TRAPPC11: variants seen among roughly 807,000 people sequenced by gnomAD.
The protein encoded by TRAPPC11 is foie gras homolog.
Under a neutral mutation model 151.2 loss-of-function variants are expected in TRAPPC11, and 104 were observed. The ratio of observed to expected loss-of-function variants is 0.69; its 90% CI spans 0.59 to 0.81. The LOEUF (loss-of-function observed/expected upper bound fraction) is 0.81, where lower values mean the gene tolerates loss of function less well. TRAPPC11 is among the 30% of genes least tolerant of loss of function. The pLI is 0.00. For synonymous variants in TRAPPC11, 456 were observed against 472.3 expected, an observed-to-expected ratio of 0.97 and a Z score of 0.45; for missense variants, 1,230 against 1,349.6, an observed-to-expected ratio of 0.91 and a Z score of 1.39.
Position 183,668,129 on chromosome 4 carries a change from T to C in TRAPPC11, c.560+12T>C, listed in dbSNP as rs1734973760. 2.0e-6 allele frequency: 3 copies of C among 1,479,904 alleles called. No individual in the cohort carries two copies. The highest frequency in any genetic ancestry group is 2.3e-5 in the East Asian group (1 of 43,878). 91.7% of individuals were successfully genotyped at this position (1,479,904 alleles called of 1,614,324 possible). A position where few individuals can be genotyped will look rare whatever the true frequency, so the allele number is the denominator to read the frequency against. ...GGTTATATTATAAGGTAAGTAGAGG[T>C]CTTTTAAAGTTTTGTTTTTTTAGAT... On this transcript the variant is annotated intron_variant, in intron 5 of 29. Coordinates refer to ENST00000334690, the MANE Select transcript of TRAPPC11 (RefSeq NM_021942.6).
At chr4:183,703,005 G>C (rs1736877122) in intron 26 of TRAPPC11, among the ~76,000 whole-genome samples, 1 of 152,154 alleles carries the variant, frequency 6.6e-6, no homozygotes, top group Non-Finnish European at 1.5e-5. Flanking sequence ...CCAGTAACTG[G>C]AGGAAATTCA....
intron 14 of TRAPPC11, 61 bp downstream of exon 14, chr4:183,684,420 T>C (rs888443383): frequency 2.8e-5 from 41 of 1,447,680 alleles, no homozygotes; most frequent in Non-Finnish European, 3.8e-5. Flanking sequence ...GAAACTGAAA[T>C]AGAAATCAGT....
rs1427350665 is a variant in TRAPPC11 at position 183,664,068 on chromosome 4, C to G, written c.201C>G (p.Pro67=). The G allele has an allele frequency of 3.7e-6, 6 of 1,611,694 alleles. No homozygotes were observed. Among genetic ancestry groups the G allele is most frequent in the Non-Finnish European group, 5.1e-6 (6 of 1,179,248 alleles). The change falls in exon 2 of 30, where the codon CCC becomes CCG. Residue 67 remains proline, a synonymous_variant. Transcript: ENST00000334690. ...ACCATGAGTATCCCAAATGTAGACC[C>G]AAGGTAATGGCATTGTGATGGCATG... ...PGDHEYPKCR[P]KRTSYEWYIP... is the part of the protein sequence containing the mutation.
Position 183,684,672 on chromosome 4 carries a change from G to A in TRAPPC11, c.1422-24G>A, listed in dbSNP as rs778474521. 43 of 1,612,456 alleles carry A rather than the reference G, an allele frequency of 2.7e-5. No individual in the cohort carries two copies. The Admixed American group carries it at 6.7e-4, about 25-fold the overall frequency. On this transcript the variant is annotated intron_variant, in intron 14 of 29. Transcript: ENST00000334690. ...AACCCTTTCTTGTGAAGCCGGTTCA[G>A]TATTACATTTTGTCTTCTTTGAGGT... is the stretch of plus-strand genomic sequence containing the variant.
intron 7 of TRAPPC11, chr4:183,675,832 G>C (rs1735381766): frequency 6.6e-6 from 1 of 152,076 alleles, no homozygotes; most frequent in Non-Finnish European, 1.5e-5. Flanking sequence ...TCTCTGCTTA[G>C]AGCCTTGAAG....
chr4:183,684,546 A>G (rs547608736), intron 14 of TRAPPC11, 150 bp from the exon 15 acceptor site: 19 of 1,001,798 alleles, frequency 1.9e-5, no homozygotes, highest in African/African-American at 3.2e-5. Context: ...AAGAAATCTC[A>G]CGTTTAGCTA....
chr4:183,671,473 C>T (rs1392173157), intron 5 of TRAPPC11, among the ~76,000 whole-genome samples: 1 of 152,198 alleles, frequency 6.6e-6, no homozygotes, highest in Non-Finnish European at 1.5e-5. Context: ...CCAACTGCTG[C>T]TCCTGCTTCT....
At chr4:183,665,996 G>A (rs927947185) in intron 2 of TRAPPC11, among the ~76,000 whole-genome samples, 5 of 143,042 alleles carry the variant, frequency 3.5e-5, no homozygotes, top group African/African-American at 1.3e-4. Flanking sequence ...ATGCATCATC[G>A]TTTTATGCAT....
At chr4:183,687,821 A>C (rs1302994202) in intron 18 of TRAPPC11, among the ~76,000 whole-genome samples, 1 of 152,194 alleles carries the variant, frequency 6.6e-6, no homozygotes, top group Non-Finnish European at 1.5e-5. Flanking sequence ...GTGAAAAGTA[A>C]ATGTGTGTCT....
intron 5 of TRAPPC11, among the ~76,000 whole-genome samples, chr4:183,669,313 AG>A (rs927946337): frequency 1.3e-5 from 2 of 152,126 alleles, no homozygotes; most frequent in Non-Finnish European, 2.9e-5. Flanking sequence ...GAGAGAAGAG[AG>A]GGGCAGCTGG....
At chr4:183,663,380 C>G (rs1321127252) in intron 1 of TRAPPC11, among the ~76,000 whole-genome samples, 1 of 152,008 alleles carries the variant, frequency 6.6e-6, no homozygotes, top group Non-Finnish European at 1.5e-5. Context: ...ACTACAGGCG[C>G]CCACCACCAC....
chr4:183,677,875 G>C (rs1385727933), intron 8 of TRAPPC11, among the ~76,000 whole-genome samples: 5 of 151,880 alleles, frequency 3.3e-5, no homozygotes, highest in Non-Finnish European at 5.9e-5. Flanking sequence ...AAAATTATTA[G>C]AACTATGTGA....
At chr4:183,677,680 T>A (rs1372317244) in intron 8 of TRAPPC11, 126 bp downstream of exon 8, 1 of 614,486 alleles carries the variant, frequency 1.6e-6, no homozygotes, top group African/African-American at 1.9e-5. Context: ...TGATCTCCCC[T>A]TTTATATCCT....
intron 26 of TRAPPC11, among the ~76,000 whole-genome samples, chr4:183,702,098 C>G (rs1156955633): frequency 6.6e-6 from 1 of 152,180 alleles, no homozygotes; most frequent in Non-Finnish European, 1.5e-5. Flanking sequence ...AATCCCAGCA[C>G]TTTCGTAGAC....
chr4:183,665,909 AT>A (rs1734853517), intron 2 of TRAPPC11, among the ~76,000 whole-genome samples: 1 of 150,344 alleles, frequency 6.7e-6, no homozygotes, highest in African/African-American at 2.4e-5. Flanking sequence ...TATAAGTAGA[AT>A]TTACCTGGAA....
At chr4:183,691,286 C>CACA in intron 18 of TRAPPC11, 30 bp from the exon 19 acceptor site, 1 of 1,434,968 alleles carries the variant, frequency 7.0e-7, no homozygotes, top group South Asian at 1.8e-5. Context: ...AGACATCTGA[C>CACA]ATTTGATGAC....
At position 183,666,313 on chromosome 4, in the gene TRAPPC11, T is replaced by G. The variant is rs1013469905; in HGVS notation, c.261T>G (p.Asn87Lys). Residue 87 changes from asparagine (N) to lysine (K), a missense_variant, in exon 3 of 30, where the codon AAT becomes AAG. By Grantham distance (94) the Asn-to-Lys change is moderately conservative (BLOSUM62 0). Transcript: ENST00000334690. Reference protein sequence around the residue: ...PKGILKTGWMNKHLNLVPALV... With the variant: ...PKGILKTGWMKKHLNLVPALV... The stretch of plus-strand genomic sequence containing the variant: ...GGATCTTAAAGACTGGCTGGATGAA[T>G]AAGCATCTGAATCTGGTGCCAGCCC... The G allele has an allele frequency of 6.2e-7, 1 of 1,614,208 alleles. No individual in the cohort carries two copies. The highest frequency in any genetic ancestry group is 1.3e-5 in the African/African-American group (1 of 75,064).
intron 25 of TRAPPC11, among the ~76,000 whole-genome samples, chr4:183,700,466 G>A (rs1049013436): frequency 3.3e-5 from 5 of 152,170 alleles, no homozygotes; most frequent in Admixed American, 3.3e-4. Flanking sequence ...CTCACAGATT[G>A]CTAAAATTGC....
chr4:183,694,722 A>G lies in TRAPPC11; in HGVS notation c.2627A>G (p.Lys876Arg), dbSNP rs758227044. 3.1e-6 allele frequency: 5 copies of G among 1,604,570 alleles called. No homozygotes were observed. Among genetic ancestry groups the G allele is most frequent in the South Asian group, 1.1e-5 (1 of 88,200 alleles). ...AAAGAAATTGTTTGCAAGTGTCACA[A>G]GGTATTTTTTTATAGCTACTTTATA... ...EEKEIVCKCHKDETVTIETVF... is the reference protein window; with the variant it reads ...EEKEIVCKCHRDETVTIETVF... Residue 876 changes from lysine (K) to arginine (R), a missense_variant and splice_region_variant, in exon 23 of 30, where the codon AAG (lysine) becomes AGG (arginine). Transcript: ENST00000334690.
Sources: allele counts gnomAD v4.1 joint callset (sites outside exome capture counted in the v4.1 genomes callset), GRCh38; gene constraint gnomAD v4.1.1; transcripts MANE v1.5; gene names NCBI Gene and HGNC (gene_info 2026-07-23, HGNC 2026-07-21).